TMEM212: variants seen among roughly 807,000 people sequenced by gnomAD.
TMEM212 encodes transmembrane protein 212.
Under a neutral mutation model 20.5 loss-of-function variants are expected in TMEM212, and 23 were observed. The observed-to-expected ratio is 1.12, with a 90% confidence interval of 0.81 to 1.59. TMEM212 has a LOEUF of 1.59. Ranked by LOEUF, TMEM212 falls within the 40% of genes most tolerant of loss-of-function variation. The pLI, the probability that TMEM212 is intolerant of heterozygous loss-of-function variation, is 0.00. For missense variants in TMEM212, 211 were observed against 215.0 expected, an observed-to-expected ratio of 0.98 and a Z score of 0.12; for synonymous variants, 76 against 81.6, an observed-to-expected ratio of 0.93 and a Z score of 0.37.
chr3:171,844,861 A>G (rs1724797715), intron 1 of TMEM212, among the ~76,000 whole-genome samples: 4 of 152,200 alleles, frequency 2.6e-5, no homozygotes, highest in Non-Finnish European at 2.9e-5. Flanking sequence ...ATAGCCCCCT[A>G]TGTCGTTGAG....
At chr3:171,850,624 G>A (rs761196242) in intron 1 of TMEM212, among the ~76,000 whole-genome samples, 6 of 152,188 alleles carry the variant, frequency 3.9e-5, no homozygotes, top group South Asian at 2.1e-4. Context: ...CTACAGCACC[G>A]GTGTTACAGT....
At chr3:171,852,099 T>C in intron 2 of TMEM212, 58 bp downstream of exon 2, 10 of 1,310,482 alleles carry the variant, frequency 7.6e-6, no homozygotes, top group Non-Finnish European at 1.1e-5. Context: ...AAATCACTAC[T>C]AAGTTCAGGA....
intron 3 of TMEM212, among the ~76,000 whole-genome samples, chr3:171,854,812 G>A (rs1725073684): frequency 1.3e-5 from 2 of 152,280 alleles, no homozygotes; most frequent in Admixed American, 6.5e-5. Flanking sequence ...CAATGGAACA[G>A]GACATAGAGC....
At chr3:171,851,088 A>G (rs946269468) in intron 1 of TMEM212, among the ~76,000 whole-genome samples, 4 of 152,178 alleles carry the variant, frequency 2.6e-5, no homozygotes, top group Admixed American at 6.5e-5. Flanking sequence ...AACTTGTACT[A>G]TATTTAGAGC....
At position 171,853,768 on chromosome 3, in the gene TMEM212, G is replaced by A; in HGVS notation, c.461G>A (p.Cys154Tyr). Reference protein sequence around the residue: ...YHLTLQALDLCLSFTLLCTSL... With the variant: ...YHLTLQALDLYLSFTLLCTSL... Reference sequence around the variant, plus strand: ...CTGACACTTCAAGCCCTAGACCTGTGCCTAAGCTTTACCCTACTCTGTACA... The same window carrying A: ...CTGACACTTCAAGCCCTAGACCTGTACCTAAGCTTTACCCTACTCTGTACA... The change falls in exon 3 of 5, where the codon TGC becomes TAC. Residue 154 changes from cysteine to tyrosine, a missense_variant. Coordinates refer to ENST00000334567, the MANE Select transcript of TMEM212 (RefSeq NM_001164436.2). 4 of 1,537,274 alleles carry A rather than the reference G, an allele frequency of 2.6e-6. No homozygotes were observed. The highest frequency in any genetic ancestry group is 2.4e-5 in the South Asian group (2 of 84,060).
intron 4 of TMEM212, chr3:171,857,022 T>G (rs1383040206): frequency 5.2e-6 from 1 of 193,072 alleles, no homozygotes; most frequent in African/African-American, 2.3e-5. Flanking sequence ...AATTAGTCAC[T>G]GCATAGCCCT....
chr3:171,843,737 T>TTA (rs1159524911), intron 1 of TMEM212, among the ~76,000 whole-genome samples, 195 bp downstream of exon 1: 5 of 152,226 alleles, frequency 3.3e-5, no homozygotes, highest in Admixed American at 3.3e-4. Flanking sequence ...TAATATTGTT[T>TTA]TATCATGTAT....
At chr3:171,853,396 G>A in intron 2 of TMEM212, 131 bp from the exon 3 acceptor site, 3 of 729,716 alleles carry the variant, frequency 4.1e-6, no homozygotes, top group Non-Finnish European at 6.6e-6. Flanking sequence ...AGAGAGTCGT[G>A]ATTGATTTCT....
Position 171,850,032 on chromosome 3 carries a change from T to G in TMEM212, c.160-1950T>G, listed in dbSNP as rs1028576672. On this transcript the variant is annotated intron_variant, in intron 1 of 4. Transcript: ENST00000334567. ...CCTCAGACACTCCCTCTCTCACATT[T>G]TCTCTTCCCCTTGACTTGTCCTGCC... Among the ~76,000 whole-genome samples the G allele has an allele frequency of 5.6e-4, 85 of 152,204 alleles. 1 individual carries two copies. The highest frequency in any genetic ancestry group is 2.0e-3 in the African/African-American group (82 of 41,530).
chr3:171,851,964 T>C lies in TMEM212; in HGVS notation c.160-18T>C. ...ACCTTCTGTGGTGGATGTTTATTTT[T>C]CCATTTTCTTGTCACAGGCCATCAC... is the stretch of plus-strand genomic sequence containing the variant. On this transcript the variant is annotated intron_variant, in intron 1 of 4. Transcript: ENST00000334567. 6.5e-7 allele frequency: 1 copy of C among 1,536,576 alleles called. No homozygotes were observed. The highest frequency in any genetic ancestry group is 8.7e-7 in the Non-Finnish European group (1 of 1,146,362).
At chr3:171,847,104 A>C (rs1355120285) in intron 1 of TMEM212, among the ~76,000 whole-genome samples, 1 of 152,196 alleles carries the variant, frequency 6.6e-6, no homozygotes, top group African/African-American at 2.4e-5. Context: ...ATGACAAGCA[A>C]TTTTCCTAGA....
chr3:171,849,902 G>A (rs949930667), intron 1 of TMEM212, among the ~76,000 whole-genome samples: 3 of 152,036 alleles, frequency 2.0e-5, no homozygotes, highest in Admixed American at 6.5e-5. Context: ...TGAGGGAGGC[G>A]AGTGCAGGAT....
intron 1 of TMEM212, among the ~76,000 whole-genome samples, chr3:171,843,776 T>C (rs1490241266): frequency 2.0e-5 from 3 of 152,222 alleles, no homozygotes; most frequent in African/African-American, 4.8e-5. Context: ...TTTAATGACA[T>C]GCTGCTCAAG....
chr3:171,854,867 G>A (rs1349582080), intron 3 of TMEM212, among the ~76,000 whole-genome samples: 1 of 152,130 alleles, frequency 6.6e-6, no homozygotes, highest in African/African-American at 2.4e-5. Context: ...AAATAAATTG[G>A]CTTTGTTGTT....
chr3:171,856,809 G>A (rs1462192765), intron 4 of TMEM212, 102 bp downstream of exon 4: 1 of 452,562 alleles, frequency 2.2e-6, no homozygotes, highest in East Asian at 3.3e-5. Context: ...CTTTATATAA[G>A]GTAGTTGAAC....
chr3:171,850,153 G>T (rs141272444), intron 1 of TMEM212, among the ~76,000 whole-genome samples: 1 of 152,032 alleles, frequency 6.6e-6, no homozygotes, highest in Non-Finnish European at 1.5e-5. Context: ...GGAAGTCTGC[G>T]CATCTTGGGG....
intron 1 of TMEM212, among the ~76,000 whole-genome samples, chr3:171,846,750 G>A (rs1176999056): frequency 6.6e-6 from 1 of 152,176 alleles, no homozygotes; most frequent in Non-Finnish European, 1.5e-5. Flanking sequence ...TCTAAATTTG[G>A]ACGAACGTTA....
At chr3:171,853,885 C>G (rs1725051886) in intron 3 of TMEM212, 35 bp downstream of exon 3, 3 of 1,479,892 alleles carry the variant, frequency 2.0e-6, no homozygotes, top group Non-Finnish European at 2.7e-6. Flanking sequence ...GGTTCTTGTT[C>G]CATCTTGTAT....
At chr3:171,847,810 CTAG>C (rs1724871713) in intron 1 of TMEM212, among the ~76,000 whole-genome samples, 1 of 151,862 alleles carries the variant, frequency 6.6e-6, no homozygotes, top group African/African-American at 2.4e-5. Flanking sequence ...AGAAATCTGA[CTAG>C]TTATAGAGGG....
Sources: gnomAD v4.1 joint callset for allele counts (sites outside exome capture counted in the v4.1 genomes callset) on GRCh38, gnomAD v4.1.1 for gene constraint, MANE v1.5 for transcripts, NCBI Gene and HGNC (gene_info 2026-07-23, HGNC 2026-07-21) for gene names.